The following UMAD1 variants were observed in gnomAD, a reference collection of about 807,000 sequenced individuals.
UMAD1 encodes UBAP1-MVB12-associated (UMA)-domain containing protein 1.
A neutral mutation model predicts 6.1 loss-of-function variants in UMAD1; 8 were observed. The ratio of observed to expected loss-of-function variants is 1.30; its 90% CI spans 0.76 to 2.35. The LOEUF (loss-of-function observed/expected upper bound fraction) is 2.35, where lower values mean the gene tolerates loss of function less well. Ranked by LOEUF, UMAD1 falls within the 30% of genes most tolerant of loss-of-function variation. The pLI is 0.00. For synonymous variants in UMAD1, 56 were observed against 31.4 expected (o/e 1.78, Z -2.61); for missense variants, 130 against 78.4 (o/e 1.66, Z -2.49).
chr7:7,768,407 C>A (rs1370831104), intron 2 of UMAD1, among the ~76,000 whole-genome samples: 2 of 152,144 alleles, frequency 1.3e-5, no homozygotes, highest in East Asian at 1.9e-4. Flanking sequence ...CTTACTGGAG[C>A]AAGTATTTCT....
chr7:7,672,759 A>G (rs984415416), intron 1 of UMAD1, among the ~76,000 whole-genome samples: 2 of 152,164 alleles, frequency 1.3e-5, no homozygotes, highest in African/African-American at 4.8e-5. Flanking sequence ...TCCTTTCTTT[A>G]TAAATCACTC....
chr7:7,865,863 A>G (rs1386365540), intron 3 of UMAD1, among the ~76,000 whole-genome samples: 2 of 152,222 alleles, frequency 1.3e-5, no homozygotes, highest in Non-Finnish European at 2.9e-5. Context: ...CTCAGTGAGA[A>G]GATGGGTCTG....
In UMAD1 at chr7:7,673,310, T is replaced by TAGCAGCAGCAGCAGCAGCAGCAGC; in HGVS notation, c.-24_-1dup. The TAGCAGCAGCAGCAGCAGCAGCAGC allele has an allele frequency of 1.3e-4, 134 of 1,033,876 alleles. No individual in the cohort carries two copies. The highest frequency in any genetic ancestry group is 2.3e-4 in the African/African-American group (14 of 60,996). 64.0% of individuals were successfully genotyped at this position (1,033,876 alleles called of 1,614,324 possible). A position where few individuals can be genotyped will look rare whatever the true frequency, so the allele number is the denominator to read the frequency against. On this transcript the variant is annotated splice_region_variant and 5_prime_UTR_variant, in exon 2 of 4. Coordinates refer to ENST00000682710, the MANE Select transcript of UMAD1 (RefSeq NM_001302348.2). The stretch of plus-strand genomic sequence containing the variant: ...CATTGTGTAATGTTTCTATTTCAGG[T>TAGCAGCAGCAGCAGCAGCAGCAGC]AGCAGCAGCAGCAGCAGCAGCAGCA...
chr7:7,785,239 A>G (rs1416061072), intron 2 of UMAD1, among the ~76,000 whole-genome samples: 1 of 152,216 alleles, frequency 6.6e-6, no homozygotes, highest in African/African-American at 2.4e-5. Flanking sequence ...ATGCAGTAAG[A>G]CTTTTAAGAA....
chr7:7,842,924 T>C (rs1783710955), intron 3 of UMAD1, among the ~76,000 whole-genome samples: 3 of 152,154 alleles, frequency 2.0e-5, no homozygotes, highest in Admixed American at 2.0e-4. Context: ...GGGACAAAGG[T>C]AGTTACAAAA....
At chr7:7,643,003 C>A (rs988069937) in intron 1 of UMAD1, among the ~76,000 whole-genome samples, 3 of 152,060 alleles carry the variant, frequency 2.0e-5, no homozygotes, top group African/African-American at 4.8e-5. Context: ...GACGAATGTA[C>A]GTAGATCATA....
chr7:7,661,113 G>T (rs1785464500), intron 1 of UMAD1, among the ~76,000 whole-genome samples: 1 of 151,808 alleles, frequency 6.6e-6, no homozygotes, highest in Non-Finnish European at 1.5e-5. Context: ...TTCGGCTATT[G>T]ATACTTGTGT....
intron 2 of UMAD1, among the ~76,000 whole-genome samples, chr7:7,675,812 G>T (rs1486474454): frequency 6.6e-6 from 1 of 152,170 alleles, no homozygotes; most frequent in Non-Finnish European, 1.5e-5. Flanking sequence ...AGCTGGTGCT[G>T]TACCTGGTTC....
intron 2 of UMAD1, among the ~76,000 whole-genome samples, chr7:7,725,391 A>C (rs1781121085): frequency 6.6e-6 from 1 of 152,130 alleles, no homozygotes; most frequent in Non-Finnish European, 1.5e-5. Flanking sequence ...AATTGTGCTT[A>C]ATGTATCGGT....
At chr7:7,805,898 G>A (rs544778446) in intron 3 of UMAD1, among the ~76,000 whole-genome samples, 29 of 150,698 alleles carry the variant, frequency 1.9e-4, no homozygotes, top group African/African-American at 5.6e-4. Flanking sequence ...TCACTATGTC[G>A]GATTATTCAT....
At position 7,830,770 on chromosome 7, in the gene UMAD1, G is replaced by C. The variant is rs2115304544; in HGVS notation, c.156+29027G>C. Among the ~76,000 whole-genome samples, 1 of 152,252 alleles carries C rather than the reference G, an allele frequency of 6.6e-6. No homozygotes were observed. Among genetic ancestry groups the C allele is most frequent in the South Asian group, 2.1e-4 (1 of 4,826 alleles). On this transcript the variant is annotated intron_variant, in intron 3 of 3. Coordinates refer to ENST00000682710, the MANE Select transcript of UMAD1 (RefSeq NM_001302348.2). This position sits in a 1 kb window ranked among gnomAD's most constrained non-coding sequence, Gnocchi z 5.3. ...AATAAACACATAGACTAAGTTCTAT[G>C]AATCTTTACTTGCCGATCTTGTATC...
intron 1 of UMAD1, among the ~76,000 whole-genome samples, chr7:7,667,848 A>G (rs796249949): frequency 4.6e-5 from 7 of 152,298 alleles, no homozygotes; most frequent in African/African-American, 1.4e-4. Flanking sequence ...TTTGGTGCCA[A>G]TAGAATTTGG....
chr7:7,718,179 G>A (rs902795777), intron 2 of UMAD1, among the ~76,000 whole-genome samples: 2 of 152,188 alleles, frequency 1.3e-5, no homozygotes, highest in Non-Finnish European at 2.9e-5. Flanking sequence ...CAGAACTTGA[G>A]TGATTTTTCC....
At chr7:7,838,759 T>C (rs1324313243) in intron 3 of UMAD1, among the ~76,000 whole-genome samples, 1 of 152,180 alleles carries the variant, frequency 6.6e-6, no homozygotes, top group African/African-American at 2.4e-5. Context: ...CTTAAGGATA[T>C]GAAAATAGAT....
At chr7:7,854,892 G>T (rs1391080317) in intron 3 of UMAD1, among the ~76,000 whole-genome samples, 1 of 152,174 alleles carries the variant, frequency 6.6e-6, no homozygotes, top group East Asian at 1.9e-4. Context: ...ATACAATGGG[G>T]GTACAGGCAT....
chr7:7,761,267 AT>A (rs1781883902), intron 2 of UMAD1, among the ~76,000 whole-genome samples: 1 of 151,090 alleles, frequency 6.6e-6, no homozygotes. Context: ...CGGGAGGCTG[AT>A]TTAGGAGACT....
rs141898582 is a variant in UMAD1 at position 7,753,299 on chromosome 7, T to C, written c.83-48371T>C. Among the ~76,000 whole-genome samples, 10 of 152,336 alleles carry C rather than the reference T, an allele frequency of 6.6e-5. No individual in the cohort carries two copies. In the East Asian group the frequency reaches 1.7e-3, roughly 26 times the overall value. ...GAACAATTCAATAACTCTTTAGTTA[T>C]TTTAAAATTTACAATTAAATTATTG... On this transcript the variant is annotated intron_variant, in intron 2 of 3. Coordinates refer to ENST00000682710, the MANE Select transcript of UMAD1 (RefSeq NM_001302348.2).
At chr7:7,823,082 C>T (rs1370521105) in intron 3 of UMAD1, among the ~76,000 whole-genome samples, 2 of 152,042 alleles carry the variant, frequency 1.3e-5, no homozygotes, top group African/African-American at 4.8e-5. Flanking sequence ...ATACAGAGCA[C>T]AGTACTTAAG....
At chr7:7,813,974 A>G (rs1261616425) in intron 3 of UMAD1, among the ~76,000 whole-genome samples, 2 of 151,030 alleles carry the variant, frequency 1.3e-5, no homozygotes, top group African/African-American at 2.4e-5. Context: ...TTCTAATTTC[A>G]TATTGCTTTT....
Sources: allele counts gnomAD v4.1 joint callset (sites outside exome capture counted in the v4.1 genomes callset), GRCh38; gene constraint gnomAD v4.1.1; non-coding constraint Gnocchi (gnomAD v3.1); transcripts MANE v1.5; gene names NCBI Gene and HGNC (gene_info 2026-07-23, HGNC 2026-07-21).